Variants in AHNAK observed in about 807,000 individuals in gnomAD.
The protein encoded by AHNAK is AHNAK nucleoprotein.
AHNAK carries 23 observed loss-of-function variants against 37.8 expected under a neutral mutation model. That is an observed-to-expected ratio of 0.61 (90% CI 0.44 to 0.86). The LOEUF (loss-of-function observed/expected upper bound fraction) is 0.86, where lower values mean the gene tolerates loss of function less well. Ranked by LOEUF, AHNAK falls within the 40% of genes least tolerant of loss-of-function variation. The pLI is 0.00. For missense variants in AHNAK, 7,411 were observed against 7,319.4 expected, an observed-to-expected ratio of 1.01 and a Z score of -0.46; for synonymous variants, 2,481 against 2,636.3, an observed-to-expected ratio of 0.94 and a Z score of 1.80.
Position 62,518,664 on chromosome 11 carries a change from C to G in AHNAK, c.15753G>C (p.Gly5251=). The G allele has an allele frequency of 1.2e-6, 2 of 1,614,180 alleles. No homozygotes were observed. The highest frequency in any genetic ancestry group is 1.7e-6 in the Non-Finnish European group (2 of 1,180,024). Residue 5251 remains glycine, a synonymous_variant, in exon 5 of 5, where the codon GGG becomes GGC. Coordinates refer to ENST00000378024, the MANE Select transcript of AHNAK (RefSeq NM_001620.3). ...GTAGCTGGGCATGGACCTCGGCTCC[C>G]CCACCCTCCATTTTCACACCTGGGA... The part of the protein sequence containing the change: ...IGIPGVKMEG[G]GAEVHAQLPS...
chr11:62,542,994 C>A (rs73500272), intron 1 of AHNAK, among the ~76,000 whole-genome samples: 1 of 152,258 alleles, frequency 6.6e-6, no homozygotes, highest in African/African-American at 2.4e-5. Context: ...CCGGCTCTGT[C>A]GCTGAAGAGC....
chr11:62,527,470 T>G lies in AHNAK; in HGVS notation c.6947A>C (p.Asp2316Ala), dbSNP rs771511903. ...HFKTPKISMP[D>A]VDFNLKGPKI... ...GGGTCCCTTTAAATTGAAATCAACA[T>G]CAGGCATGGAGATCTTGGGGGTCTT... Residue 2316 changes from aspartate to alanine, a missense_variant, in exon 5 of 5, where the codon GAT becomes GCT. Transcript: ENST00000378024. 1.2e-6 allele frequency: 2 copies of G among 1,614,178 alleles called. No individual in the cohort carries two copies. Among genetic ancestry groups the G allele is most frequent in the South Asian group, 2.2e-5 (2 of 91,086 alleles).
rs777241071 is a variant in AHNAK at position 62,527,474 on chromosome 11, G to A, written c.6943C>T (p.Pro2315Ser). The change falls in exon 5 of 5, where the codon CCT becomes TCT. Residue 2315 changes from proline to serine, a missense_variant. Transcript: ENST00000378024. The part of the protein sequence containing the change: ...MHFKTPKISM[P>S]DVDFNLKGPK... Reference sequence around the variant, plus strand: ...CCCTTTAAATTGAAATCAACATCAGGCATGGAGATCTTGGGGGTCTTGAAG... The same window carrying A: ...CCCTTTAAATTGAAATCAACATCAGACATGGAGATCTTGGGGGTCTTGAAG... 28 of 1,613,972 alleles carry A rather than the reference G, an allele frequency of 1.7e-5. No homozygotes were observed. In the Admixed American group the frequency reaches 4.0e-4, roughly 23 times the overall value.
rs138446854 is a variant in AHNAK, at chr11:62,478,223, CTCT to C, written c.442+13506_442+13508del. Among the ~76,000 whole-genome samples the C allele has an allele frequency of 5.4e-4, 83 of 152,348 alleles. No individual in the cohort carries two copies. The East Asian group carries it at 0.014, about 27-fold the overall frequency. ...CAGGTCTGGTCAGCACACACATTCGCTCTTCTTCTCAGCTAGGGCCCAGGGGCT... is the reference window on the plus strand; with the variant it reads ...CAGGTCTGGTCAGCACACACATTCGCTCTTCTCAGCTAGGGCCCAGGGGCT... On this transcript the variant is annotated intron_variant, in intron 5 of 5. Transcript: ENST00000257247.
rs1940196437 is a variant in AHNAK at position 62,520,483 on chromosome 11, C to T, written c.13934G>A (p.Gly4645Asp). ...DIDVPDVDVQ[G>D]PDWHLKMPKV... ...GGGCATTTTTAGGTGCCAGTCTGGGCCTTGAACGTCCACATCTGGGACATC... is the reference window on the plus strand; with the variant it reads ...GGGCATTTTTAGGTGCCAGTCTGGGTCTTGAACGTCCACATCTGGGACATC... Residue 4645 changes from glycine (G) to aspartate (D), a missense_variant, in exon 5 of 5, where the codon GGC becomes GAC. Physicochemically the swap from Gly to Asp is moderately conservative, Grantham distance 94. Transcript: ENST00000378024. 1.2e-6 allele frequency: 2 copies of T among 1,614,078 alleles called. No individual in the cohort carries two copies.
intron 5 of AHNAK, among the ~76,000 whole-genome samples, chr11:62,490,620 G>T (rs1043495042): frequency 5.9e-5 from 9 of 152,140 alleles, no homozygotes; most frequent in Admixed American, 6.5e-5. Context: ...ATGGGGCTCA[G>T]ATGGAGGAAG....
Position 62,528,169 on chromosome 11 carries a change from T to C in AHNAK, c.6248A>G (p.Lys2083Arg), listed in dbSNP as rs981702774. 3 of 1,613,782 alleles carry C rather than the reference T, an allele frequency of 1.9e-6. No homozygotes were observed. Among genetic ancestry groups the C allele is most frequent in the Non-Finnish European group, 2.5e-6 (3 of 1,179,960 alleles). ...CACATCTGGGACTTCAACATCCACC[T>C]TGGGTCCTGAGACAACAACATCAGC... ...PKADVVVSGPKVDVEVPDVSL... is the reference protein window; with the variant it reads ...PKADVVVSGPRVDVEVPDVSL... Residue 2083 changes from lysine (K) to arginine (R), a missense_variant, in exon 5 of 5, where the codon AAG becomes AGG. Lys to Arg is a conservative substitution (Grantham distance 26). Transcript: ENST00000378024.
intron 5 of AHNAK, among the ~76,000 whole-genome samples, chr11:62,472,133 A>G (rs1021398025): frequency 1.3e-5 from 2 of 151,602 alleles, no homozygotes; most frequent in Non-Finnish European, 2.9e-5. Flanking sequence ...CCCCTTTCCC[A>G]CATCTCTGGC....
At chr11:62,473,084 CAAAAAAAAAAA>C (rs71056522) in intron 5 of AHNAK, among the ~76,000 whole-genome samples, 268 of 17,258 alleles carry the variant, frequency 0.016, 1 homozygote, top group African/African-American at 0.071. Context: ...GACTCCATCT[CAAAAAAAAAAA>C]AAAAAAAAAA....
At chr11:62,489,240 CA>C (rs796392296) in intron 5 of AHNAK, among the ~76,000 whole-genome samples, 15,779 of 99,096 alleles carry the variant, frequency 0.16, 1,866 homozygotes, top group African/African-American at 0.38. Context: ...GACTCCATCT[CA>C]AAAAAAAAAA....
chr11:62,471,513 C>G (rs1307393142), intron 5 of AHNAK, among the ~76,000 whole-genome samples: 1 of 152,314 alleles, frequency 6.6e-6, no homozygotes, highest in Non-Finnish European at 1.5e-5. Flanking sequence ...GTGCATTAAA[C>G]AGAATTTTGA....
chr11:62,520,310 T>C lies in AHNAK; in HGVS notation c.14107A>G (p.Lys4703Glu). The change falls in exon 5 of 5, where the codon AAA becomes GAA. Residue 4703 changes from lysine (K) to glutamate (E), a missense_variant. Lys to Glu is a moderately conservative substitution (Grantham distance 56, BLOSUM62 1). Coordinates refer to ENST00000378024, the MANE Select transcript of AHNAK (RefSeq NM_001620.3). ...ATCTTGAACTTGGGGCCCTTTAGTTTCGCATCTGGACCTTCGATATTCACA... is the reference window on the plus strand; with the variant it reads ...ATCTTGAACTTGGGGCCCTTTAGTTCCGCATCTGGACCTTCGATATTCACA... ...PDVNIEGPDA[K>E]LKGPKFKMPE... 1 of 1,613,380 alleles carries C rather than the reference T, an allele frequency of 6.2e-7. No homozygotes were observed. The highest frequency in any genetic ancestry group is 8.5e-7 in the Non-Finnish European group (1 of 1,179,898).
downstream of AHNAK, among the ~76,000 whole-genome samples, chr11:62,515,557 C>A (rs911118500): frequency 3.3e-5 from 5 of 152,248 alleles, no homozygotes; most frequent in African/African-American, 1.2e-4. Context: ...CGGTGATTCA[C>A]AAGCAGAGCC....
downstream of AHNAK, among the ~76,000 whole-genome samples, chr11:62,511,393 C>T (rs1939909685): frequency 6.6e-6 from 1 of 152,174 alleles, no homozygotes; most frequent in Non-Finnish European, 1.5e-5. Flanking sequence ...GCTGGAATTA[C>T]AGGCATGTGC....
At position 62,532,287 on chromosome 11, in the gene AHNAK, C is replaced by A; in HGVS notation, c.2130G>T (p.Lys710Asn). The stretch of plus-strand genomic sequence containing the variant: ...CAGTTACATCATACTCTCCCTTCAC[C>A]TTTGTACCTTTCACGTGCAAATCTA... ...PDVDLHVKGT[K>N]VKGEYDVTVP... The change falls in exon 5 of 5, where the codon AAG (lysine) becomes AAT (asparagine). Residue 710 changes from lysine (K) to asparagine (N), a missense_variant. Lys to Asn is a moderately conservative substitution (Grantham distance 94). Transcript: ENST00000378024. 6.2e-7 allele frequency: 1 copy of A among 1,613,592 alleles called. No homozygotes were observed. Among genetic ancestry groups the A allele is most frequent in the South Asian group, 1.1e-5 (1 of 91,052 alleles).
In AHNAK at chr11:62,526,649, C is replaced by G; in HGVS notation, c.7768G>C (p.Gly2590Arg). 2 of 1,613,102 alleles carry G rather than the reference C, an allele frequency of 1.2e-6. No individual in the cohort carries two copies. The highest frequency in any genetic ancestry group is 1.7e-6 in the Non-Finnish European group (2 of 1,179,828). ...SMPDFDLHLK[G>R]PKVKGDVDVS... ...TCCACATCGCCCTTCACCTTGGGAC[C>G]TTTCAGATGCAAATCAAAGTCAGGC... is the stretch of plus-strand genomic sequence containing the variant. Residue 2590 changes from glycine (G) to arginine (R), a missense_variant, in exon 5 of 5, where the codon GGT (glycine) becomes CGT (arginine). Coordinates refer to ENST00000378024, the MANE Select transcript of AHNAK (RefSeq NM_001620.3).
intron 4 of AHNAK, chr11:62,491,893 T>C: frequency 6.9e-7 from 1 of 1,448,520 alleles, no homozygotes; most frequent in Non-Finnish European, 9.5e-7. Context: ...TGAGCACTTT[T>C]CAAATGCCTA....
intron 5 of AHNAK, among the ~76,000 whole-genome samples, chr11:62,452,624 G>A (rs184531899): frequency 6.6e-6 from 1 of 152,296 alleles, no homozygotes; most frequent in Admixed American, 6.5e-5. Flanking sequence ...GTCTTCTCAT[G>A]CTTAGGGATG....
In AHNAK at chr11:62,516,894, G is replaced by A. The variant is rs755504311; in HGVS notation, c.17523C>T (p.Ser5841=). ...KSKGHYEVTG[S]DDETGKLQGS... is the part of the protein sequence containing the mutation. ...CCTGTAACTTGCCTGTCTCATCATCGCTCCCAGTCACCTCATAATGACCTT... is the reference window on the plus strand; with the variant it reads ...CCTGTAACTTGCCTGTCTCATCATCACTCCCAGTCACCTCATAATGACCTT... Residue 5841 remains serine (S), a synonymous_variant, in exon 5 of 5, where the codon AGC becomes AGT. Transcript: ENST00000378024. 20 of 1,613,896 alleles carry A rather than the reference G, an allele frequency of 1.2e-5. No individual in the cohort carries two copies. The highest frequency in any genetic ancestry group is 5.3e-5 in the African/African-American group (4 of 74,858).
Sources: gnomAD v4.1 joint callset for allele counts (sites outside exome capture counted in the v4.1 genomes callset) on GRCh38, gnomAD v4.1.1 for gene constraint, MANE v1.5 for transcripts, NCBI Gene and HGNC (gene_info 2026-07-23, HGNC 2026-07-21) for gene names.